KHDC1: variants seen among roughly 807,000 people sequenced by gnomAD.
The protein encoded by KHDC1 is KH domain containing 1.
Under a neutral mutation model 24.7 loss-of-function variants are expected in KHDC1, and 21 were observed. That is an observed-to-expected ratio of 0.85 (90% CI 0.60 to 1.23). The LOEUF is 1.23. Ranked by LOEUF, KHDC1 falls within the 50% of genes most tolerant of loss-of-function variation. KHDC1 has a pLI of 0.00. For missense variants in KHDC1, 274 were observed against 298.5 expected (o/e 0.92, Z 0.61); for synonymous variants, 98 against 111.7 (o/e 0.88, Z 0.77).
chr6:73,263,738 G>A (rs1767031017), intron 2 of KHDC1, among the ~76,000 whole-genome samples: 1 of 152,196 alleles, frequency 6.6e-6, no homozygotes, highest in Admixed American at 6.5e-5. Flanking sequence ...TTGGGCTGGA[G>A]GGAAATGAAT....
chr6:73,258,548 T>G (rs999624026), intron 2 of KHDC1, among the ~76,000 whole-genome samples: 8 of 152,210 alleles, frequency 5.3e-5, no homozygotes, highest in African/African-American at 1.9e-4. Context: ...GTTAGCCCAG[T>G]TAAAGTGAAC....
intron 1 of KHDC1, among the ~76,000 whole-genome samples, chr6:73,303,995 G>A (rs59378494): frequency 0.051 from 7,730 of 152,002 alleles, 509 homozygotes; most frequent in African/African-American, 0.15. Context: ...CCTGGCCAAC[G>A]TGGGGAAACC....
At chr6:73,289,073 C>G (rs1354611461) in intron 2 of KHDC1, among the ~76,000 whole-genome samples, 1 of 151,892 alleles carries the variant, frequency 6.6e-6, no homozygotes, top group African/African-American at 2.4e-5. Flanking sequence ...GTGGCTCATG[C>G]CTGTAATATC....
intron 2 of KHDC1, among the ~76,000 whole-genome samples, chr6:73,260,875 T>C (rs1294771398): frequency 1.3e-5 from 2 of 152,222 alleles, no homozygotes; most frequent in African/African-American, 4.8e-5. Context: ...CTATTGTCTA[T>C]TTATACATTT....
rs573472017 is a variant in KHDC1 at position 73,273,473 on chromosome 6, T to A, written c.206+18525A>T. Among the ~76,000 whole-genome samples the A allele has an allele frequency of 2.1e-3, 317 of 150,020 alleles. 2 individuals are homozygous for A. Among genetic ancestry groups the A allele is most frequent in the African/African-American group, 7.4e-3 (303 of 41,044 alleles). On this transcript the variant is annotated intron_variant, in intron 2 of 4. Transcript: ENST00000370384. ...ATGAGCAACCACTCCCAGCCTAAAA[T>A]TGACATTTTAAAATGTTATTTTATT... is the stretch of plus-strand genomic sequence containing the variant.
At chr6:73,250,888 G>A (rs576435460) in intron 2 of KHDC1, among the ~76,000 whole-genome samples, 8 of 152,292 alleles carry the variant, frequency 5.3e-5, no homozygotes, top group African/African-American at 1.9e-4. Flanking sequence ...TGCCCAGGCT[G>A]CAGTGCAGTG....
At chr6:73,294,587 G>A (rs550328730) in intron 1 of KHDC1, among the ~76,000 whole-genome samples, 2 of 152,178 alleles carry the variant, frequency 1.3e-5, no homozygotes, top group African/African-American at 4.8e-5. Flanking sequence ...TTAAATAATT[G>A]TTTCCACAGC....
intron 1 of KHDC1, chr6:73,301,049 TA>T (rs1364650003): frequency 2.0e-5 from 3 of 152,144 alleles, no homozygotes; most frequent in Admixed American, 2.0e-4. Flanking sequence ...ACCCCGTCTC[TA>T]CTAAAAATAC....
At chr6:73,292,545 C>A (rs1210708839) in intron 1 of KHDC1, 1 of 768,282 alleles carries the variant, frequency 1.3e-6, no homozygotes, top group African/African-American at 1.7e-5. Context: ...TTAAAAGAGA[C>A]CATAGATAAT....
At chr6:73,305,678 G>A (rs565739713) in intron 1 of KHDC1, among the ~76,000 whole-genome samples, 5 of 152,044 alleles carry the variant, frequency 3.3e-5, no homozygotes, top group Non-Finnish European at 7.4e-5. Flanking sequence ...ATTATTTTTT[G>A]AGACATAGTC....
chr6:73,301,994 A>G (rs558753523), intron 1 of KHDC1, among the ~76,000 whole-genome samples: 1 of 152,250 alleles, frequency 6.6e-6, no homozygotes, highest in South Asian at 2.1e-4. Flanking sequence ...TGTTTAGAAA[A>G]AAATTCTGGA....
At chr6:73,307,716 C>T (rs1032502474) in intron 1 of KHDC1, among the ~76,000 whole-genome samples, 1 of 152,116 alleles carries the variant, frequency 6.6e-6, no homozygotes, top group Non-Finnish European at 1.5e-5. Context: ...CCGCCTGGCT[C>T]GTGCTCTGGC....
intron 2 of KHDC1, among the ~76,000 whole-genome samples, chr6:73,279,458 A>G (rs1767362622): frequency 6.6e-6 from 1 of 152,058 alleles, no homozygotes; most frequent in Non-Finnish European, 1.5e-5. Context: ...CTGTATATAA[A>G]TCTCTCTATA....
chr6:73,293,299 TA>T (rs369354323), intron 1 of KHDC1: 22,278 of 566,428 alleles, frequency 0.039, 621 homozygotes, highest in Non-Finnish European at 0.048. Flanking sequence ...GAAAAGATTT[TA>T]AAAAAACTCT....
At chr6:73,247,873 AAG>A (rs1252860628) in intron 2 of KHDC1, among the ~76,000 whole-genome samples, 2 of 151,264 alleles carry the variant, frequency 1.3e-5, no homozygotes, top group African/African-American at 4.9e-5. Context: ...AAAAAAAAAA[AAG>A]AGAGAGAGAA....
chr6:73,297,877 T>A (rs1357646234), intron 1 of KHDC1, among the ~76,000 whole-genome samples: 1 of 152,164 alleles, frequency 6.6e-6, no homozygotes, highest in African/African-American at 2.4e-5. Context: ...TTTCCAAATG[T>A]TGGCTCAAAC....
chr6:73,281,218 A>T (rs528923688), intron 2 of KHDC1, among the ~76,000 whole-genome samples: 2 of 152,280 alleles, frequency 1.3e-5, no homozygotes, highest in South Asian at 4.1e-4. Context: ...ACACACCTGT[A>T]ATCCCAGCTA....
chr6:73,308,310 A>G (rs1344394048), intron 1 of KHDC1, among the ~76,000 whole-genome samples: 1 of 151,626 alleles, frequency 6.6e-6, no homozygotes, highest in Non-Finnish European at 1.5e-5. Flanking sequence ...CCCTGACCTC[A>G]TGATCCGCCC....
At chr6:73,246,410 A>G (rs1766666080) in intron 2 of KHDC1, among the ~76,000 whole-genome samples, 1 of 152,220 alleles carries the variant, frequency 6.6e-6, no homozygotes, top group Non-Finnish European at 1.5e-5. Context: ...TTAATATTTT[A>G]AAAAGAACTT....
Sources: gnomAD v4.1 joint callset for allele counts (sites outside exome capture counted in the v4.1 genomes callset) on GRCh38, gnomAD v4.1.1 for gene constraint, MANE v1.5 for transcripts, NCBI Gene and HGNC (gene_info 2026-07-23, HGNC 2026-07-21) for gene names.